Variants in FOXN3 observed in about 807,000 individuals in gnomAD.
FOXN3 encodes forkhead box protein N3.
FOXN3 carries 7 observed loss-of-function variants against 38.4 expected under a neutral mutation model. The observed-to-expected ratio is 0.18, with a 90% CI of 0.10 to 0.34. The LOEUF (loss-of-function observed/expected upper bound fraction) is 0.34, where lower values mean the gene tolerates loss of function less well. Among genes scored for constraint, FOXN3 ranks in the 10% least tolerant of loss-of-function variants. The pLI, the probability that FOXN3 is intolerant of heterozygous loss-of-function variation, is 1.00. For synonymous variants in FOXN3, 230 were observed against 242.2 expected, an observed-to-expected ratio of 0.95 and a Z score of 0.47; for missense variants, 456 against 613.4, an observed-to-expected ratio of 0.74 and a Z score of 2.71.
intron 1 of FOXN3, among the ~76,000 whole-genome samples, chr14:89,593,890 A>G (rs1392004122): frequency 6.6e-6 from 1 of 152,210 alleles, no homozygotes; most frequent in Non-Finnish European, 1.5e-5. Context: ...TAAAGGTGTG[A>G]GCCACTGCAC....
chr14:89,392,807 A>ATTTT (rs35499441), intron 2 of FOXN3, among the ~76,000 whole-genome samples: 1 of 133,876 alleles, frequency 7.5e-6, no homozygotes, highest in Non-Finnish European at 1.6e-5. Flanking sequence ...CGCCCAGCTA[A>ATTTT]TTTTTTTTTT....
chr14:89,245,259 C>T (rs1271677862), intron 4 of FOXN3, among the ~76,000 whole-genome samples: 2 of 152,090 alleles, frequency 1.3e-5, no homozygotes, highest in African/African-American at 2.4e-5. Context: ...GTGGGTCATT[C>T]GGGGCCCTTT....
upstream of FOXN3, chr14:89,417,747 C>G (rs916422351): frequency 2.0e-5 from 9 of 455,740 alleles, no homozygotes; most frequent in Non-Finnish European, 4.0e-5. Context: ...CCTGATAGGA[C>G]CCCCAGGGCC....
At chr14:89,180,902 G>GA in intron 4 of FOXN3, 96 bp from the exon 5 acceptor site, 1 of 462,070 alleles carries the variant, frequency 2.2e-6, no homozygotes, top group Non-Finnish European at 3.3e-6. Context: ...ATAAGAGAGA[G>GA]AGAGAGACAG....
chr14:89,284,505 ACT>A (rs1328378534), intron 3 of FOXN3: 2 of 455,586 alleles, frequency 4.4e-6, no homozygotes, highest in African/African-American at 4.0e-5. Flanking sequence ...CCAGCACTAA[ACT>A]CTTAGTCATC....
intron 3 of FOXN3, chr14:89,291,229 T>A (rs1310161210): frequency 2.3e-6 from 1 of 433,028 alleles, no homozygotes; most frequent in Non-Finnish European, 4.6e-6. Flanking sequence ...TGACTAAACA[T>A]GTTACTCCCT....
intron 2 of FOXN3, among the ~76,000 whole-genome samples, chr14:89,408,792 C>T (rs1014905677): frequency 1.3e-5 from 2 of 152,038 alleles, no homozygotes; most frequent in African/African-American, 2.4e-5. Flanking sequence ...TGTTCTCGTT[C>T]AATTTAAGGT....
intron 1 of FOXN3, among the ~76,000 whole-genome samples, chr14:89,502,266 C>T (rs552330595): frequency 5.1e-4 from 78 of 152,304 alleles, no homozygotes; most frequent in Admixed American, 1.8e-3. Context: ...AGGCACCAAA[C>T]TCAAGATGGA....
intron 1 of FOXN3, among the ~76,000 whole-genome samples, chr14:89,593,723 C>T (rs1418352574): frequency 6.6e-6 from 1 of 152,152 alleles, no homozygotes; most frequent in South Asian, 2.1e-4. Context: ...ACAGGCTCAA[C>T]CTCAGCCTCT....
At chr14:89,542,352 G>A (rs758068861) in intron 1 of FOXN3, among the ~76,000 whole-genome samples, 5 of 152,152 alleles carry the variant, frequency 3.3e-5, no homozygotes, top group Non-Finnish European at 5.9e-5. Context: ...TCCCTTAACC[G>A]TAAACATCTA....
intron 3 of FOXN3, among the ~76,000 whole-genome samples, chr14:89,308,898 A>T (rs1362770829): frequency 6.6e-6 from 1 of 152,152 alleles, no homozygotes; most frequent in African/African-American, 2.4e-5. Flanking sequence ...AATGGAACCC[A>T]GGCAGAGGAG....
intron 1 of FOXN3, among the ~76,000 whole-genome samples, chr14:89,478,392 G>C (rs1208991238): frequency 6.6e-6 from 1 of 152,002 alleles, no homozygotes; most frequent in Non-Finnish European, 1.5e-5. Flanking sequence ...TACAAACAAG[G>C]GCTGTTTGTT....
chr14:89,301,599 C>T (rs1001860205), intron 3 of FOXN3, among the ~76,000 whole-genome samples: 7 of 151,972 alleles, frequency 4.6e-5, no homozygotes, highest in African/African-American at 1.7e-4. Flanking sequence ...GAAAGCCCGT[C>T]TCTACTAAAT....
At chr14:89,500,996 G>A (rs563868737) in intron 1 of FOXN3, among the ~76,000 whole-genome samples, 1 of 152,208 alleles carries the variant, frequency 6.6e-6, no homozygotes, top group Non-Finnish European at 1.5e-5. Context: ...TCCTCAGCAT[G>A]CATGAACTCC....
At chr14:89,425,593 G>A (rs773142730) in intron 1 of FOXN3, among the ~76,000 whole-genome samples, 69 of 149,898 alleles carry the variant, frequency 4.6e-4, no homozygotes, top group Non-Finnish European at 9.5e-4. Context: ...TCGAACTCCT[G>A]ACCTCAGGTG....
rs1441902430 is a variant in FOXN3 at position 89,222,388 on chromosome 14, G to C, written c.746-41582C>G. Among the ~76,000 whole-genome samples, 3 of 152,202 alleles carry C rather than the reference G, an allele frequency of 2.0e-5. No individual in the cohort carries two copies. In the East Asian group the frequency reaches 5.9e-4, roughly 30 times the overall value. On this transcript the variant is annotated intron_variant, in intron 4 of 5. Coordinates refer to ENST00000557258, the MANE Select transcript of FOXN3 (RefSeq NM_005197.4). ...GTTTCAAGGTCTTTGGATTCTAATG[G>C]AAAGACGCTTACATATATTAAGATA...
At chr14:89,415,883 C>CACACACACACACACACACACACA (rs60129607) in intron 1 of FOXN3, among the ~76,000 whole-genome samples, 35 of 148,224 alleles carry the variant, frequency 2.4e-4, no homozygotes, top group Admixed American at 3.4e-4. Context: ...CACACACACA[C>CACACACACACACACACACACACA]CCTCTTTTGT....
chr14:89,450,634 G>A (rs1261542785), intron 1 of FOXN3, among the ~76,000 whole-genome samples: 2 of 151,274 alleles, frequency 1.3e-5, no homozygotes, highest in African/African-American at 4.9e-5. Flanking sequence ...CGCCCAGGCT[G>A]GAGTGCAGTG....
rs942953819 is a variant in FOXN3, at chr14:89,243,283, T to C, written c.745+37667A>G. 2.6e-5 allele frequency among the ~76,000 whole-genome samples: 4 copies of C among 152,198 alleles called. No individual in the cohort carries two copies. In the South Asian group the frequency reaches 8.3e-4, roughly 31 times the overall value. On this transcript the variant is annotated intron_variant, in intron 4 of 5. Transcript: ENST00000557258. Reference sequence around the variant, plus strand: ...CCCAGAGCAAGTAACTCAGCAACCTTGGGAAATAAGCAAGCATTTACAACA... The same window carrying C: ...CCCAGAGCAAGTAACTCAGCAACCTCGGGAAATAAGCAAGCATTTACAACA...
Sources: allele counts gnomAD v4.1 joint callset (sites outside exome capture counted in the v4.1 genomes callset), GRCh38; gene constraint gnomAD v4.1.1; transcripts MANE v1.5; gene names NCBI Gene and HGNC (gene_info 2026-07-23, HGNC 2026-07-21).